STAC: variants seen among roughly 807,000 people sequenced by gnomAD.
STAC encodes SH3 and cysteine rich domain.
A neutral mutation model predicts 48.8 loss-of-function variants in STAC; 43 were observed. The observed-to-expected ratio is 0.88, with a 90% CI of 0.69 to 1.14. The LOEUF is 1.14. Ranked by LOEUF, STAC falls within the 50% of genes most tolerant of loss-of-function variation. STAC has a pLI of 0.00. For synonymous variants in STAC, 193 were observed against 179.5 expected (o/e 1.07, Z -0.60); for missense variants, 497 against 504.0 (o/e 0.99, Z 0.13).
At chr3:36,465,428 T>C (rs1697140272) in intron 2 of STAC, among the ~76,000 whole-genome samples, 1 of 152,226 alleles carries the variant, frequency 6.6e-6, no homozygotes, top group African/African-American at 2.4e-5. Flanking sequence ...ACTCTGATGA[T>C]TATTTATGTT....
At chr3:36,432,065 C>A (rs1219466487) in intron 1 of STAC, among the ~76,000 whole-genome samples, 2 of 152,274 alleles carry the variant, frequency 1.3e-5, no homozygotes, top group East Asian at 3.9e-4. Flanking sequence ...ATTGTTACAG[C>A]GGCATCCACA....
chr3:36,475,559 A>G (rs1697470782), intron 2 of STAC, among the ~76,000 whole-genome samples: 1 of 152,196 alleles, frequency 6.6e-6, no homozygotes, highest in Non-Finnish European at 1.5e-5. Context: ...TATATATGTG[A>G]GGTAAAAGCA....
intron 10 of STAC, among the ~76,000 whole-genome samples, chr3:36,539,738 T>C (rs1207464507): frequency 6.6e-6 from 1 of 152,178 alleles, no homozygotes; most frequent in Non-Finnish European, 1.5e-5. Context: ...TGAGGCCAAG[T>C]CTTCCTTCAA....
chr3:36,399,814 T>C (rs1241312543), intron 1 of STAC, among the ~76,000 whole-genome samples: 1 of 152,206 alleles, frequency 6.6e-6, no homozygotes, highest in Non-Finnish European at 1.5e-5. Context: ...ACTGAAGTCA[T>C]AGATAAATCA....
intron 2 of STAC, among the ~76,000 whole-genome samples, chr3:36,461,938 A>G (rs1287210461): frequency 6.6e-6 from 1 of 152,156 alleles, no homozygotes; most frequent in Non-Finnish European, 1.5e-5. Flanking sequence ...CATGGATCTA[A>G]TTATACTTGC....
chr3:36,526,406 G>A (rs756213260), intron 8 of STAC, among the ~76,000 whole-genome samples: 2 of 152,112 alleles, frequency 1.3e-5, no homozygotes, highest in Non-Finnish European at 2.9e-5. Flanking sequence ...TGTCAGTTCT[G>A]GATCTAAGCC....
intron 2 of STAC, among the ~76,000 whole-genome samples, chr3:36,454,555 A>G (rs991297856): frequency 6.6e-6 from 1 of 152,136 alleles, no homozygotes; most frequent in Non-Finnish European, 1.5e-5. Flanking sequence ...AGACACACAT[A>G]TATGCTAATC....
intron 2 of STAC, among the ~76,000 whole-genome samples, chr3:36,471,394 CT>C (rs1245548748): frequency 1.1e-4 from 17 of 152,162 alleles, no homozygotes; most frequent in Non-Finnish European, 1.9e-4. Context: ...CATTCCACCC[CT>C]AACCCCTTCC....
chr3:36,484,997 C>T lies in STAC; in HGVS notation c.510C>T (p.Tyr170=), dbSNP rs1263638662. Residue 170 remains tyrosine (Y), a synonymous_variant, in exon 4 of 11, where the codon TAC becomes TAT. Transcript: ENST00000273183. ...MGKLPKGFRR[Y]YSSPLLIHEQ... is the part of the protein sequence containing the mutation. Reference sequence around the variant, plus strand: ...TCCAGCCAAAGGGGTTTCGGCGTTACTACAGCTCCCCCTTGCTCATTCATG... The same window carrying T: ...TCCAGCCAAAGGGGTTTCGGCGTTATTACAGCTCCCCCTTGCTCATTCATG... The T allele has an allele frequency of 3.1e-6, 5 of 1,603,046 alleles. No individual in the cohort carries two copies. Among genetic ancestry groups the T allele is most frequent in the South Asian group, 1.1e-5 (1 of 88,894 alleles).
chr3:36,484,151 G>C (rs1198077754), intron 3 of STAC, among the ~76,000 whole-genome samples: 1 of 152,138 alleles, frequency 6.6e-6, no homozygotes, highest in Non-Finnish European at 1.5e-5. Context: ...AAAGACCTAA[G>C]ATCAGTGGAT....
At chr3:36,530,530 T>C (rs1343040338) in intron 10 of STAC, among the ~76,000 whole-genome samples, 2 of 151,706 alleles carry the variant, frequency 1.3e-5, no homozygotes, top group East Asian at 3.9e-4. Flanking sequence ...ACTGACTTTA[T>C]CATTTTCAAA....
At chr3:36,535,585 G>T (rs1699178530) in intron 10 of STAC, among the ~76,000 whole-genome samples, 1 of 152,118 alleles carries the variant, frequency 6.6e-6, no homozygotes, top group Non-Finnish European at 1.5e-5. Context: ...TGCCCATTCG[G>T]TATAATATTG....
intron 1 of STAC, among the ~76,000 whole-genome samples, chr3:36,411,368 A>G (rs1700191095): frequency 6.6e-6 from 1 of 152,202 alleles, no homozygotes; most frequent in Non-Finnish European, 1.5e-5. Flanking sequence ...CTTATCAAGA[A>G]TCTGCATATG....
intron 2 of STAC, among the ~76,000 whole-genome samples, chr3:36,456,719 G>A (rs1696866170): frequency 6.6e-6 from 1 of 152,074 alleles, no homozygotes; most frequent in African/African-American, 2.4e-5. Flanking sequence ...TCTCCTCTGA[G>A]GGCAGATGGC....
At chr3:36,450,349 C>G (rs568982830) in intron 2 of STAC, among the ~76,000 whole-genome samples, 1 of 152,296 alleles carries the variant, frequency 6.6e-6, no homozygotes, top group South Asian at 2.1e-4. Flanking sequence ...TTCTAAAAGT[C>G]ACTCCCAAGT....
At chr3:36,492,032 ATATATATATATATATAT>A (rs1237922065) in intron 5 of STAC, among the ~76,000 whole-genome samples, 12 of 10,520 alleles carry the variant, frequency 1.1e-3, no homozygotes, top group African/African-American at 2.7e-3. Flanking sequence ...AAAAAAAAAA[ATATATATATATATATAT>A]ATATATATAT....
intron 5 of STAC, among the ~76,000 whole-genome samples, chr3:36,488,626 C>CA (rs11389159): frequency 0.8 from 121,197 of 152,106 alleles, 48,631 homozygotes; most frequent in African/African-American, 0.88. Flanking sequence ...ACAGATATTG[C>CA]AAATCAGCAG....
chr3:36,383,907 C>T lies in STAC; in HGVS notation c.111+3153C>T, dbSNP rs190784276. On this transcript the variant is annotated intron_variant, in intron 1 of 10. Transcript: ENST00000273183. ...TGGCAATACCCTTACCTACAAACCC[C>T]GTCTTGGACTTTGGTATCCCAGTAC... 2.1e-3 allele frequency among the ~76,000 whole-genome samples: 314 copies of T among 152,322 alleles called. 1 individual carries two copies. The highest frequency in any genetic ancestry group is 3.8e-3 in the Non-Finnish European group (256 of 68,020).
At chr3:36,395,026 GATAT>G (rs3061956) in intron 1 of STAC, among the ~76,000 whole-genome samples, 14 of 148,206 alleles carry the variant, frequency 9.4e-5, no homozygotes, top group African/African-American at 2.7e-4. Flanking sequence ...AAGATATATA[GATAT>G]ATATATATAT....
Sources: gnomAD v4.1 joint callset for allele counts (sites outside exome capture counted in the v4.1 genomes callset) on GRCh38, gnomAD v4.1.1 for gene constraint, MANE v1.5 for transcripts, NCBI Gene and HGNC (gene_info 2026-07-23, HGNC 2026-07-21) for gene names.